The following PHF21B variants were observed in gnomAD, a reference collection of about 807,000 sequenced individuals.
PHF21B encodes PHD finger protein 4.
PHF21B carries 22 observed loss-of-function variants against 62.2 expected under a neutral mutation model. The ratio of observed to expected loss-of-function variants is 0.35; its 90% CI spans 0.25 to 0.51. The LOEUF is 0.51. Among genes scored for constraint, PHF21B ranks in the 20% least tolerant of loss-of-function variants. PHF21B has a pLI of 0.97. For missense variants in PHF21B, 701 were observed against 707.9 expected, an observed-to-expected ratio of 0.99 and a Z score of 0.11; for synonymous variants, 341 against 314.7, an observed-to-expected ratio of 1.08 and a Z score of -0.88.
chr22:44,993,863 C>T (rs2073078808), intron 2 of PHF21B, among the ~76,000 whole-genome samples: 1 of 152,208 alleles, frequency 6.6e-6, no homozygotes, highest in Non-Finnish European at 1.5e-5. Flanking sequence ...CACACACAAC[C>T]TAATATCAAA....
intron 2 of PHF21B, among the ~76,000 whole-genome samples, chr22:44,932,173 T>C (rs2071754928): frequency 6.6e-6 from 1 of 152,184 alleles, no homozygotes; most frequent in African/African-American, 2.4e-5. Context: ...TTCCTAAAGA[T>C]GCAGCAAAAT....
intron 2 of PHF21B, among the ~76,000 whole-genome samples, chr22:44,930,028 A>C (rs1669298523): frequency 6.6e-6 from 1 of 152,214 alleles, no homozygotes; most frequent in Non-Finnish European, 1.5e-5. Context: ...TACAATGGAA[A>C]ACTTCCCAGC....
At chr22:44,939,218 G>A (rs928362082) in intron 2 of PHF21B, among the ~76,000 whole-genome samples, 2 of 152,188 alleles carry the variant, frequency 1.3e-5, no homozygotes, top group Non-Finnish European at 2.9e-5. Context: ...CAGGGACTGC[G>A]GGAAGCTGCA....
chr22:44,885,176 C>T (rs773098802), intron 12 of PHF21B, among the ~76,000 whole-genome samples: 1 of 152,220 alleles, frequency 6.6e-6, no homozygotes, highest in Non-Finnish European at 1.5e-5. Context: ...TGCATCCACA[C>T]CTGTGGTTCT....
chr22:44,971,857 G>T (rs111932052), intron 2 of PHF21B, among the ~76,000 whole-genome samples: 5 of 152,222 alleles, frequency 3.3e-5, no homozygotes, highest in African/African-American at 1.2e-4. Flanking sequence ...CATGTCTGTC[G>T]TTCCTTGCAT....
intron 2 of PHF21B, among the ~76,000 whole-genome samples, chr22:44,986,175 ACCC>A (rs1274782194): frequency 1.4e-5 from 2 of 145,438 alleles, no homozygotes; most frequent in South Asian, 2.1e-4. Flanking sequence ...CACCATGAGC[ACCC>A]CCATCACCAG....
intron 2 of PHF21B, among the ~76,000 whole-genome samples, chr22:44,932,729 C>T (rs114428829): frequency 0.02 from 2,976 of 152,336 alleles, 96 homozygotes; most frequent in African/African-American, 0.062. Context: ...GATGACGGCC[C>T]AGCAGGTGCT....
At chr22:44,895,912 C>T (rs969104309) in intron 6 of PHF21B, 120 bp downstream of exon 6, 35 of 1,083,634 alleles carry the variant, frequency 3.2e-5, no homozygotes, top group African/African-American at 2.0e-4. Flanking sequence ...TGTGAGGCCA[C>T]GCTCCACCCA....
intron 2 of PHF21B, among the ~76,000 whole-genome samples, chr22:44,988,787 C>A (rs1195074877): frequency 6.6e-6 from 1 of 152,186 alleles, no homozygotes; most frequent in Non-Finnish European, 1.5e-5. Context: ...GGGGCTGCTA[C>A]ACCAAAAGAT....
intron 2 of PHF21B, among the ~76,000 whole-genome samples, chr22:44,987,332 G>A (rs934190797): frequency 2.6e-5 from 4 of 152,110 alleles, no homozygotes; most frequent in African/African-American, 4.8e-5. Context: ...TGGGACCCCC[G>A]GGGAGACCAA....
intron 7 of PHF21B, 118 bp downstream of exon 7, chr22:44,893,339 G>A: frequency 3.3e-6 from 3 of 914,550 alleles, no homozygotes; most frequent in Non-Finnish European, 5.0e-6. Flanking sequence ...ACTCCCAGGA[G>A]GGACAGACGA....
At chr22:44,999,287 T>C (rs1257442514) in intron 2 of PHF21B, among the ~76,000 whole-genome samples, 5 of 152,068 alleles carry the variant, frequency 3.3e-5, no homozygotes, top group Middle Eastern at 6.8e-3. Context: ...CCTTAAACTA[T>C]AAAATAACAT....
intron 2 of PHF21B, among the ~76,000 whole-genome samples, chr22:45,007,561 C>CGAA (rs748340905): frequency 0.66 from 73,479 of 111,306 alleles, 23,522 homozygotes; most frequent in Non-Finnish European, 0.7. Flanking sequence ...GGGCGGGGCG[C>CGAA]GAAGGAGGGA....
intron 2 of PHF21B, among the ~76,000 whole-genome samples, chr22:44,953,186 G>T (rs1359880000): frequency 6.6e-6 from 1 of 152,200 alleles, no homozygotes. Flanking sequence ...GAGGCCCGCA[G>T]CTGGGGCAGA....
intron 2 of PHF21B, chr22:45,001,905 G>A (rs1033829772): frequency 2.0e-5 from 3 of 152,214 alleles, no homozygotes; most frequent in African/African-American, 4.8e-5. Flanking sequence ...GATACAGTGG[G>A]GCAGGAAGAA....
At chr22:44,940,966 A>G (rs1212411960) in intron 2 of PHF21B, among the ~76,000 whole-genome samples, 1 of 152,226 alleles carries the variant, frequency 6.6e-6, no homozygotes, top group Non-Finnish European at 1.5e-5. Flanking sequence ...TCAACTTCTA[A>G]ACATTACAAC....
intron 2 of PHF21B, among the ~76,000 whole-genome samples, chr22:44,999,052 A>G (rs1450034280): frequency 2.0e-5 from 3 of 152,214 alleles, no homozygotes; most frequent in Non-Finnish European, 2.9e-5. Context: ...GTGCCAAGCC[A>G]AAGTAAAAAA....
chr22:44,963,632 CTTTGT>C (rs1282236696), intron 2 of PHF21B, among the ~76,000 whole-genome samples: 3 of 152,254 alleles, frequency 2.0e-5, no homozygotes, highest in Non-Finnish European at 1.5e-5. Flanking sequence ...TCACCGCAGA[CTTTGT>C]TTTAACTCAG....
chr22:44,885,983 C>G, intron 10 of PHF21B, 45 bp from the exon 11 acceptor site: 1 of 1,571,622 alleles, frequency 6.4e-7, no homozygotes, highest in South Asian at 1.1e-5. Context: ...GGCCCTGGGA[C>G]CTGCTGGGAC....
Sources: gnomAD v4.1 joint callset for allele counts (sites outside exome capture counted in the v4.1 genomes callset) on GRCh38, gnomAD v4.1.1 for gene constraint, MANE v1.5 for transcripts, NCBI Gene and HGNC (gene_info 2026-07-23, HGNC 2026-07-21) for gene names.